Variants in NEGR1 observed in about 807,000 individuals in gnomAD.
The protein encoded by NEGR1 is neuronal growth regulator 1.
A neutral mutation model predicts 40.9 loss-of-function variants in NEGR1; 10 were observed. The observed-to-expected ratio is 0.24, with a 90% CI of 0.15 to 0.42. NEGR1 has a LOEUF of 0.42. Ranked by LOEUF, NEGR1 falls within the 10% of genes least tolerant of loss-of-function variation. NEGR1 has a pLI of 1.00. For synonymous variants in NEGR1, 185 were observed against 166.8 expected (o/e 1.11, Z -0.84); for missense variants, 352 against 438.9 (o/e 0.80, Z 1.77).
intron 2 of NEGR1, among the ~76,000 whole-genome samples, chr1:71,887,250 G>T (rs1206877928): frequency 6.6e-6 from 1 of 152,158 alleles, no homozygotes; most frequent in Non-Finnish European, 1.5e-5. Flanking sequence ...GGAGGAGGAA[G>T]GGGAGGGGTT....
At chr1:71,719,978 C>T (rs1217212277) in intron 3 of NEGR1, among the ~76,000 whole-genome samples, 1 of 151,832 alleles carries the variant, frequency 6.6e-6, no homozygotes, top group Non-Finnish European at 1.5e-5. Flanking sequence ...TCATATAATG[C>T]CATTATGAAA....
At chr1:72,086,042 T>C (rs951255622) in intron 1 of NEGR1, among the ~76,000 whole-genome samples, 4 of 150,808 alleles carry the variant, frequency 2.7e-5, no homozygotes, top group South Asian at 4.2e-4. Context: ...CCTGCAACAC[T>C]GAAAGCTTAC....
chr1:71,912,294 T>A (rs899537552), intron 2 of NEGR1, among the ~76,000 whole-genome samples: 1 of 152,170 alleles, frequency 6.6e-6, no homozygotes, highest in African/African-American at 2.4e-5. Flanking sequence ...AAGTTTTCAA[T>A]AGGGAGTAAG....
intron 6 of NEGR1, among the ~76,000 whole-genome samples, chr1:71,577,029 T>G (rs910196596): frequency 6.6e-6 from 1 of 152,214 alleles, no homozygotes; most frequent in African/African-American, 2.4e-5. Context: ...ATTGTTATTT[T>G]GGGTTTTGTC....
chr1:71,811,059 T>C (rs1320374384), intron 2 of NEGR1, among the ~76,000 whole-genome samples: 1 of 152,112 alleles, frequency 6.6e-6, no homozygotes, highest in Non-Finnish European at 1.5e-5. Flanking sequence ...ATAGACATAA[T>C]GCCAAAAGAT....
intron 1 of NEGR1, among the ~76,000 whole-genome samples, chr1:72,236,094 T>C (rs1394255059): frequency 6.6e-6 from 1 of 152,098 alleles, no homozygotes; most frequent in Non-Finnish European, 1.5e-5. Flanking sequence ...CATGGAATAC[T>C]ATGCAGCCAT....
At chr1:71,710,301 G>T (rs1654035657) in intron 3 of NEGR1, among the ~76,000 whole-genome samples, 1 of 152,130 alleles carries the variant, frequency 6.6e-6, no homozygotes, top group African/African-American at 2.4e-5. Context: ...TGCAACCACT[G>T]TAAAGAACAG....
chr1:71,726,321 G>A (rs868268124), intron 3 of NEGR1, among the ~76,000 whole-genome samples: 9 of 152,072 alleles, frequency 5.9e-5, no homozygotes, highest in South Asian at 2.1e-4. Flanking sequence ...TCTGTGTATC[G>A]CACAAATACA....
intron 1 of NEGR1, among the ~76,000 whole-genome samples, chr1:72,152,380 T>C (rs1222052281): frequency 6.6e-6 from 1 of 151,880 alleles, no homozygotes; most frequent in Non-Finnish European, 1.5e-5. Context: ...ATTTATTGCT[T>C]TAAGTAAATA....
intron 6 of NEGR1, among the ~76,000 whole-genome samples, chr1:71,528,722 A>T (rs568579499): frequency 5.9e-5 from 9 of 151,356 alleles, no homozygotes; most frequent in African/African-American, 2.2e-4. Flanking sequence ...AAATGAGGCA[A>T]ACATTTGATG....
At chr1:71,870,362 G>C (rs1051797029) in intron 2 of NEGR1, among the ~76,000 whole-genome samples, 1 of 152,010 alleles carries the variant, frequency 6.6e-6, no homozygotes, top group Non-Finnish European at 1.5e-5. Flanking sequence ...AATAATTAAC[G>C]CATAATTACG....
chr1:72,267,298 G>A (rs138100947), intron 1 of NEGR1, among the ~76,000 whole-genome samples: 1 of 151,000 alleles, frequency 6.6e-6, no homozygotes, highest in Non-Finnish European at 1.5e-5. Context: ...AAAATGATGA[G>A]GCTATTAAAG....
intron 1 of NEGR1, among the ~76,000 whole-genome samples, chr1:72,034,081 G>A (rs1176209139): frequency 6.6e-6 from 1 of 152,164 alleles, no homozygotes; most frequent in Non-Finnish European, 1.5e-5. Flanking sequence ...CTGTTTTCTT[G>A]TATTCTTATT....
At chr1:71,930,328 A>G (rs1309578317) in intron 2 of NEGR1, among the ~76,000 whole-genome samples, 1 of 152,202 alleles carries the variant, frequency 6.6e-6, no homozygotes, top group Admixed American at 6.5e-5. Context: ...CAGAGTACTG[A>G]GAAAAGTAAG....
chr1:71,966,347 T>C (rs752139067), intron 1 of NEGR1, among the ~76,000 whole-genome samples: 1 of 152,252 alleles, frequency 6.6e-6, no homozygotes, highest in Non-Finnish European at 1.5e-5. Context: ...AATTTTATTT[T>C]AATATGTGCA....
At chr1:72,156,971 T>C (rs12568918) in intron 1 of NEGR1, among the ~76,000 whole-genome samples, 74,987 of 148,206 alleles carry the variant, frequency 0.51, 19,533 homozygotes, top group East Asian at 0.83. Flanking sequence ...TGTTGTCTGT[T>C]TGTGTGTTTT....
intron 1 of NEGR1, among the ~76,000 whole-genome samples, chr1:72,072,765 A>G (rs943063992): frequency 6.6e-6 from 1 of 152,074 alleles, no homozygotes; most frequent in Non-Finnish European, 1.5e-5. Flanking sequence ...GTTTATAGAA[A>G]GAGAACTCCC....
intron 1 of NEGR1, among the ~76,000 whole-genome samples, chr1:72,207,616 C>T (rs1239242321): frequency 1.3e-5 from 2 of 151,646 alleles, no homozygotes; most frequent in Admixed American, 1.3e-4. Context: ...ATTTAACAAA[C>T]ATTACAGATA....
chr1:72,276,740 C>G (rs1656061209), intron 1 of NEGR1, among the ~76,000 whole-genome samples: 1 of 152,124 alleles, frequency 6.6e-6, no homozygotes, highest in Non-Finnish European at 1.5e-5. Flanking sequence ...AAAGCAGTCA[C>G]TCAATCAAAT....
Sources: gnomAD v4.1 joint callset for allele counts (sites outside exome capture counted in the v4.1 genomes callset) on GRCh38, gnomAD v4.1.1 for gene constraint, MANE v1.5 for transcripts, NCBI Gene and HGNC (gene_info 2026-07-23, HGNC 2026-07-21) for gene names.